The following TSPAN5 variants were observed in gnomAD, a reference collection of about 807,000 sequenced individuals.
The protein encoded by TSPAN5 is tetraspanin-5.
TSPAN5 carries 10 observed loss-of-function variants against 37.1 expected under a neutral mutation model. That is an observed-to-expected ratio of 0.27 (90% CI 0.17 to 0.46). The LOEUF is 0.46. Among genes scored for constraint, TSPAN5 ranks in the 20% least tolerant of loss-of-function variants. The probability of loss-of-function intolerance (pLI) is 1.00; values close to 1 mark genes in which losing one functional copy is unlikely to be tolerated. For missense variants in TSPAN5, 195 were observed against 326.6 expected, an observed-to-expected ratio of 0.60 and a Z score of 3.11; for synonymous variants, 110 against 118.9, an observed-to-expected ratio of 0.93 and a Z score of 0.48.
chr4:98,611,869 C>T (rs944584310), intron 1 of TSPAN5, among the ~76,000 whole-genome samples: 2 of 152,216 alleles, frequency 1.3e-5, no homozygotes, highest in Non-Finnish European at 2.9e-5. Flanking sequence ...CAGCTCCATC[C>T]CCTGGCCTGG....
At chr4:98,496,897 G>A (rs954905294) in intron 2 of TSPAN5, among the ~76,000 whole-genome samples, 5 of 152,170 alleles carry the variant, frequency 3.3e-5, no homozygotes, top group Non-Finnish European at 7.3e-5. Context: ...CTAAATGTTC[G>A]TGACTCCCCC....
intron 1 of TSPAN5, among the ~76,000 whole-genome samples, chr4:98,622,332 T>TC (rs1756499652): frequency 1.3e-5 from 2 of 152,280 alleles, no homozygotes; most frequent in African/African-American, 4.8e-5. Context: ...CCGCCTCAGA[T>TC]CCCCAAAGTG....
At chr4:98,516,865 C>T (rs1008212586) in intron 1 of TSPAN5, among the ~76,000 whole-genome samples, 2 of 152,170 alleles carry the variant, frequency 1.3e-5, no homozygotes, top group Non-Finnish European at 2.9e-5. Context: ...TCCCTCTTTG[C>T]ACGTGTCTGT....
At chr4:98,589,452 C>T (rs1330966350) in intron 1 of TSPAN5, among the ~76,000 whole-genome samples, 2 of 152,054 alleles carry the variant, frequency 1.3e-5, no homozygotes, top group Non-Finnish European at 2.9e-5. Flanking sequence ...TGATGATGGC[C>T]CTAGCAGACA....
chr4:98,568,291 C>T (rs957411409), intron 1 of TSPAN5, among the ~76,000 whole-genome samples: 7 of 152,030 alleles, frequency 4.6e-5, no homozygotes, highest in Non-Finnish European at 8.8e-5. Flanking sequence ...GCCTGTAATC[C>T]CAGCACTTTG....
At chr4:98,536,697 CAGAGA>C (rs1754241312) in intron 1 of TSPAN5, among the ~76,000 whole-genome samples, 1 of 152,226 alleles carries the variant, frequency 6.6e-6, no homozygotes, top group African/African-American at 2.4e-5. Flanking sequence ...ATCCTCTGCC[CAGAGA>C]AAAGAAATCT....
At position 98,539,866 on chromosome 4, in the gene TSPAN5, C is replaced by G. The variant is rs572547089; in HGVS notation, c.82-32138G>C. 3.9e-5 allele frequency among the ~76,000 whole-genome samples: 6 copies of G among 152,238 alleles called. No individual in the cohort carries two copies. In the South Asian group the frequency reaches 1.2e-3, roughly 32 times the overall value. Reference sequence around the variant, plus strand: ...AGATTGTGGCTGTGTCTTGGTTGCTCTCTAGTGCGTGTTCTCTCTCTCTCT... The same window carrying G: ...AGATTGTGGCTGTGTCTTGGTTGCTGTCTAGTGCGTGTTCTCTCTCTCTCT... On this transcript the variant is annotated intron_variant, in intron 1 of 7. Coordinates refer to ENST00000305798, the MANE Select transcript of TSPAN5 (RefSeq NM_005723.4).
At chr4:98,623,863 T>C (rs1756534000) in intron 1 of TSPAN5, among the ~76,000 whole-genome samples, 1 of 152,208 alleles carries the variant, frequency 6.6e-6, no homozygotes, top group African/African-American at 2.4e-5. Flanking sequence ...ATGTTTCCTC[T>C]GTATTCACGT....
chr4:98,658,035 C>T, intron 1 of TSPAN5, 111 bp downstream of exon 1: 1 of 959,524 alleles, frequency 1.0e-6, no homozygotes, highest in South Asian at 1.3e-5. Context: ...CTATGCTGCT[C>T]CGGCAAGCGC....
At chr4:98,487,156 G>A (rs1464494248) in intron 2 of TSPAN5, among the ~76,000 whole-genome samples, 1 of 150,660 alleles carries the variant, frequency 6.6e-6, no homozygotes, top group African/African-American at 2.4e-5. Context: ...GAGGGAGGGG[G>A]GGATGGAGGG....
At chr4:98,656,113 T>A (rs1291679390) in intron 1 of TSPAN5, among the ~76,000 whole-genome samples, 1 of 152,140 alleles carries the variant, frequency 6.6e-6, no homozygotes, top group African/African-American at 2.4e-5. Context: ...TCAGAAAACA[T>A]GCGGCTCTGT....
At chr4:98,640,570 T>C (rs1756943892) in intron 1 of TSPAN5, among the ~76,000 whole-genome samples, 1 of 152,162 alleles carries the variant, frequency 6.6e-6, no homozygotes, top group Admixed American at 6.5e-5. Context: ...TGGACAGCTA[T>C]GGCTACACAG....
intron 5 of TSPAN5, 114 bp downstream of exon 5, chr4:98,478,571 A>G (rs1190495960): frequency 4.6e-6 from 6 of 1,302,714 alleles, no homozygotes; most frequent in African/African-American, 2.9e-5. Flanking sequence ...AGGAGCTACA[A>G]ATACGAGTAA....
chr4:98,561,419 T>C (rs573427955), intron 1 of TSPAN5, among the ~76,000 whole-genome samples: 1 of 152,338 alleles, frequency 6.6e-6, no homozygotes, highest in Non-Finnish European at 1.5e-5. Flanking sequence ...TCTTTTTCCA[T>C]TGTCATATCC....
At chr4:98,526,665 T>C (rs1753970808) in intron 1 of TSPAN5, among the ~76,000 whole-genome samples, 1 of 148,376 alleles carries the variant, frequency 6.7e-6, no homozygotes, top group Admixed American at 6.8e-5. Flanking sequence ...GGCCACCAGA[T>C]GCCAAGATGA....
chr4:98,505,498 C>T (rs1218229856), intron 2 of TSPAN5, among the ~76,000 whole-genome samples: 1 of 152,196 alleles, frequency 6.6e-6, no homozygotes, highest in Non-Finnish European at 1.5e-5. Flanking sequence ...GATCCTTCTT[C>T]CTTCATCCAG....
chr4:98,572,464 C>T (rs1236794138), intron 1 of TSPAN5, among the ~76,000 whole-genome samples: 1 of 152,180 alleles, frequency 6.6e-6, no homozygotes, highest in Non-Finnish European at 1.5e-5. Flanking sequence ...GGTCACAGCA[C>T]AGAACAGACT....
intron 1 of TSPAN5, among the ~76,000 whole-genome samples, chr4:98,551,211 C>A (rs1015308627): frequency 2.6e-5 from 4 of 152,168 alleles, no homozygotes; most frequent in African/African-American, 9.6e-5. Flanking sequence ...ATCATCCTTG[C>A]ATCCTTAGGA....
At chr4:98,567,821 C>T (rs567236455) in intron 1 of TSPAN5, among the ~76,000 whole-genome samples, 2 of 152,136 alleles carry the variant, frequency 1.3e-5, no homozygotes, top group Admixed American at 6.5e-5. Context: ...GGCGGGGGGC[C>T]TGGTCAGGCG....
Sources: allele counts gnomAD v4.1 joint callset (sites outside exome capture counted in the v4.1 genomes callset), GRCh38; gene constraint gnomAD v4.1.1; transcripts MANE v1.5; gene names NCBI Gene and HGNC (gene_info 2026-07-23, HGNC 2026-07-21).